EXOSC1: variants seen among roughly 807,000 people sequenced by gnomAD.
EXOSC1 encodes the protein exosome component 1, also known as exosome complex component CSL4.
A neutral mutation model predicts 31.4 loss-of-function variants in EXOSC1; 27 were observed. The observed-to-expected ratio is 0.86, with a 90% CI of 0.63 to 1.18. The LOEUF (loss-of-function observed/expected upper bound fraction) is 1.18, where lower values mean the gene tolerates loss of function less well. Ranked by LOEUF, EXOSC1 falls within the 50% of genes most tolerant of loss-of-function variation. EXOSC1 has a pLI of 0.00. For missense variants in EXOSC1, 228 were observed against 250.3 expected, an observed-to-expected ratio of 0.91 and a Z score of 0.60; for synonymous variants, 84 against 89.5, an observed-to-expected ratio of 0.94 and a Z score of 0.35.
At chr10:97,444,742 T>A (rs1327307204) in intron 2 of EXOSC1, 3 of 152,230 alleles carry the variant, frequency 2.0e-5, no homozygotes, top group Non-Finnish European at 4.4e-5. Flanking sequence ...TCAGACAGCT[T>A]AAGTTACTTA....
At chr10:97,441,798 T>TA (rs1236893933) in intron 3 of EXOSC1, among the ~76,000 whole-genome samples, 2 of 150,468 alleles carry the variant, frequency 1.3e-5, no homozygotes, top group African/African-American at 4.9e-5. Context: ...CTGGGTTTTT[T>TA]TTTTTTTTTT....
At position 97,445,806 on chromosome 10, in the gene EXOSC1, C is replaced by T; in HGVS notation, c.73G>A (p.Gly25Ser). The T allele has an allele frequency of 6.2e-7, 1 of 1,613,880 alleles. No homozygotes were observed. The highest frequency in any genetic ancestry group is 8.5e-7 in the Non-Finnish European group (1 of 1,179,902). ...ATGTAGCCGTGGCGGGTGTAGGTGC[C>T]GCTGCCCGGGCTGCCCTCCTCCAAG... ...CNLEEGSPGSGTYTRHGYIFS... is the reference protein window; with the variant it reads ...CNLEEGSPGSSTYTRHGYIFS... The change falls in exon 2 of 8, where the codon GGC becomes AGC. Residue 25 changes from glycine to serine, a missense_variant. Gly to Ser is a moderately conservative substitution (Grantham distance 56). Transcript: ENST00000370902.
chr10:97,438,605 T>G, intron 5 of EXOSC1, 65 bp downstream of exon 5: 46 of 1,461,212 alleles, frequency 3.1e-5, no homozygotes, highest in Middle Eastern at 1.8e-4. Context: ...ATGCCTGGCC[T>G]GAGATAATAC....
chr10:97,439,134 T>C (rs1321417051), intron 4 of EXOSC1, among the ~76,000 whole-genome samples: 1 of 152,212 alleles, frequency 6.6e-6, no homozygotes, highest in African/African-American at 2.4e-5. Context: ...GGGACACAGC[T>C]GCTACCCAGA....
At chr10:97,442,308 G>C (rs1845745259) in intron 3 of EXOSC1, among the ~76,000 whole-genome samples, 1 of 152,150 alleles carries the variant, frequency 6.6e-6, no homozygotes. Flanking sequence ...GACACAGGTA[G>C]AACTATGTAT....
chr10:97,436,617 C>A, intron 7 of EXOSC1, 66 bp from the exon 8 acceptor site: 1 of 1,468,472 alleles, frequency 6.8e-7, no homozygotes. Context: ...CTCTTTTATG[C>A]TGGGTATGAA....
intron 3 of EXOSC1, among the ~76,000 whole-genome samples, chr10:97,441,800 T>G (rs1010373863): frequency 6.6e-5 from 10 of 150,502 alleles, no homozygotes; most frequent in African/African-American, 2.4e-4. Flanking sequence ...GGGTTTTTTT[T>G]TTTTTTTTTA....
intron 3 of EXOSC1, 108 bp from the exon 4 acceptor site, chr10:97,441,367 G>GTAGAGAATTTA: frequency 1.3e-6 from 1 of 772,292 alleles, no homozygotes; most frequent in East Asian, 2.9e-5. Context: ...ACCCTACTAA[G>GTAGAGAATTTA]TAGAGAATTT....
intron 3 of EXOSC1, among the ~76,000 whole-genome samples, chr10:97,442,552 CCT>C (rs905038060): frequency 6.6e-6 from 1 of 152,142 alleles, no homozygotes; most frequent in Admixed American, 6.5e-5. Flanking sequence ...AGAGTCTTGC[CCT>C]GTTACCCAAG....
At chr10:97,437,959 G>A (rs917984071) in intron 5 of EXOSC1, among the ~76,000 whole-genome samples, 1 of 151,564 alleles carries the variant, frequency 6.6e-6, no homozygotes, top group Non-Finnish European at 1.5e-5. Context: ...TCGCTCTGTC[G>A]CCCACACTGG....
intron 5 of EXOSC1, 32 bp from the exon 6 acceptor site, chr10:97,437,782 A>G: frequency 6.3e-7 from 1 of 1,587,652 alleles, no homozygotes; most frequent in Non-Finnish European, 8.6e-7. Context: ...GTTAAGTGAA[A>G]GCTCTAGACT....
intron 5 of EXOSC1, among the ~76,000 whole-genome samples, chr10:97,437,953 T>C (rs570732170): frequency 1.3e-5 from 2 of 152,228 alleles, no homozygotes; most frequent in South Asian, 2.1e-4. Flanking sequence ...GGAGTCTCGC[T>C]CTGTCGCCCA....
In EXOSC1 at chr10:97,445,944, C is replaced by T. The variant is rs767643935; in HGVS notation, c.31+11G>A. 2.5e-6 allele frequency: 4 copies of T among 1,614,164 alleles called. No homozygotes were observed. The highest frequency in any genetic ancestry group is 1.3e-5 in the African/African-American group (1 of 75,050). On this transcript the variant is annotated intron_variant, in intron 1 of 7. Coordinates refer to ENST00000370902, the MANE Select transcript of EXOSC1 (RefSeq NM_016046.5). ...CCTATCCAGGACTCTGTACGGGAAG[C>T]GCTCACTTACCGGGGATGCAGTATC...
intron 2 of EXOSC1, chr10:97,445,324 A>G (rs1286758266): frequency 5.7e-6 from 1 of 174,568 alleles, no homozygotes; most frequent in African/African-American, 2.4e-5. Flanking sequence ...TTAAAGGGCA[A>G]GCAGAGACTG....
At chr10:97,437,070 C>T (rs768955057) in intron 7 of EXOSC1, 121 bp downstream of exon 7, 3 of 880,704 alleles carry the variant, frequency 3.4e-6, no homozygotes, top group Non-Finnish European at 3.7e-6. Flanking sequence ...TCATTCTAAT[C>T]TCAGAGGGAA....
chr10:97,444,637 G>A (rs1845841575), intron 2 of EXOSC1: 7 of 152,192 alleles, frequency 4.6e-5, no homozygotes, highest in Admixed American at 4.6e-4. Flanking sequence ...CGCTGTGCCT[G>A]ACACATGAAA....
chr10:97,443,372 T>C lies in EXOSC1; in HGVS notation c.148-61A>G. The C allele has an allele frequency of 2.8e-6, 4 of 1,448,962 alleles. No homozygotes were observed. The Admixed American group carries it at 7.1e-5, about 26-fold the overall frequency. 89.8% of individuals were successfully genotyped at this position (1,448,962 alleles called of 1,614,324 possible). Reference sequence around the variant, plus strand: ...ACTAACCCTTGGGTCAAGGCATTTGTGGCTTGAGAGTAATATAGGAATGTC... The same window carrying C: ...ACTAACCCTTGGGTCAAGGCATTTGCGGCTTGAGAGTAATATAGGAATGTC... On this transcript the variant is annotated intron_variant, in intron 2 of 7. Coordinates refer to ENST00000370902, the MANE Select transcript of EXOSC1 (RefSeq NM_016046.5).
chr10:97,443,395 G>C, intron 2 of EXOSC1, 84 bp from the exon 3 acceptor site: 1 of 1,186,774 alleles, frequency 8.4e-7, no homozygotes, highest in East Asian at 2.3e-5. Context: ...ATATAGGAAT[G>C]TCTTGGTATA....
intron 4 of EXOSC1, among the ~76,000 whole-genome samples, chr10:97,440,387 T>C (rs2861954): frequency 0.17 from 25,998 of 152,130 alleles, 2,485 homozygotes; most frequent in African/African-American, 0.25. Flanking sequence ...CTCACTCTGT[T>C]GCCCAGGCTA....
Sources: allele counts gnomAD v4.1 joint callset (sites outside exome capture counted in the v4.1 genomes callset), GRCh38; gene constraint gnomAD v4.1.1; transcripts MANE v1.5; gene names NCBI Gene and HGNC (gene_info 2026-07-23, HGNC 2026-07-21).